Variants in CSNK1D observed in about 807,000 individuals in gnomAD.
CSNK1D encodes the protein casein kinase 1 delta.
In CSNK1D, 16 loss-of-function variants were observed where a neutral mutation model predicts 46.6. The observed-to-expected ratio is 0.34, with a 90% CI of 0.23 to 0.52. The LOEUF is 0.52. Among genes scored for constraint, CSNK1D ranks in the 20% least tolerant of loss-of-function variants. The pLI is 0.95. For missense variants in CSNK1D, 398 were observed against 578.4 expected (o/e 0.69, Z 3.20); for synonymous variants, 276 against 228.2 (o/e 1.21, Z -1.89).
intron 8 of CSNK1D, chr17:82,245,306 G>A (rs1226146655): frequency 6.9e-6 from 2 of 287,772 alleles, no homozygotes; most frequent in Non-Finnish European, 1.4e-5. Context: ...AGCGCGCGTG[G>A]CCGCCGAGGA....
chr17:82,265,696 C>T lies in CSNK1D; in HGVS notation c.177G>A (p.Met59Ile). 1 of 1,613,722 alleles carries T rather than the reference C, an allele frequency of 6.2e-7. No homozygotes were observed. Among genetic ancestry groups the T allele is most frequent in the Non-Finnish European group, 8.5e-7 (1 of 1,179,592 alleles). The change falls in exon 2 of 9, where the codon ATG (methionine) becomes ATA (isoleucine). Residue 59 changes from methionine to isoleucine, a missense_variant. By Grantham distance (10) the Met-to-Ile change is conservative. This residue lies in a region of CSNK1D where 217 missense variants were observed against 370.3 expected (regional missense o/e 0.59). Coordinates refer to ENST00000314028, the MANE Select transcript of CSNK1D (RefSeq NM_001893.6). Reference protein sequence around the residue: ...LHIESKIYKMMQGGVGIPTIR... With the variant: ...LHIESKIYKMIQGGVGIPTIR... ...CTGGTAAAGACCTACCTCCTCCCTG[C>T]ATCATCTTGTAGATTTTGCTCTCAA...
Position 82,252,309 on chromosome 17 carries a change from G to C in CSNK1D, c.736+125C>G. On this transcript the variant is annotated intron_variant, in intron 5 of 8. Coordinates refer to ENST00000314028, the MANE Select transcript of CSNK1D (RefSeq NM_001893.6). The surrounding 1 kb of genome is among the most constrained non-coding windows in gnomAD (Gnocchi z 4.6). ...ATACACAAAAGCGCCCCGCTTTCCT[G>C]CCACCACCCCTTTGGAAGGTGAGCA... The C allele has an allele frequency of 8.8e-7, 1 of 1,138,654 alleles. No individual in the cohort carries two copies. Among genetic ancestry groups the C allele is most frequent in the Non-Finnish European group, 1.3e-6 (1 of 751,456 alleles). 70.5% of individuals were successfully genotyped at this position (1,138,654 alleles called of 1,614,324 possible).
In CSNK1D at chr17:82,248,784, G is replaced by A; in HGVS notation, c.1197+91C>T. On this transcript the variant is annotated intron_variant, in intron 8 of 8. Coordinates refer to ENST00000314028, the MANE Select transcript of CSNK1D (RefSeq NM_001893.6). This position sits in a 1 kb window ranked among gnomAD's most constrained non-coding sequence, Gnocchi z 4.1. ...ACTCTCAAAAATGGGGGGAAGAAAG[G>A]AAAGAAGAAGCCCTGGAGAAACCAC... 6.5e-7 allele frequency: 1 copy of A among 1,538,408 alleles called. No individual in the cohort carries two copies. Among genetic ancestry groups the A allele is most frequent in the Non-Finnish European group, 8.7e-7 (1 of 1,143,764 alleles).
rs911578795 is a variant in CSNK1D at position 82,248,551 on chromosome 17, G to C, written c.1197+324C>G. ...CACAATGGGGCGCAAGCAGGCGAGCGGTGTCAGCTGCCTGGGGACGGCTGC... is the reference window on the plus strand; with the variant it reads ...CACAATGGGGCGCAAGCAGGCGAGCCGTGTCAGCTGCCTGGGGACGGCTGC... On this transcript the variant is annotated intron_variant, in intron 8 of 8. Coordinates refer to ENST00000314028, the MANE Select transcript of CSNK1D (RefSeq NM_001893.6). The surrounding 1 kb of genome is among the most constrained non-coding windows in gnomAD (Gnocchi z 4.1). 1 of 1,194,418 alleles carries C rather than the reference G, an allele frequency of 8.4e-7. No homozygotes were observed. Among genetic ancestry groups the C allele is most frequent in the Non-Finnish European group, 1.0e-6 (1 of 953,398 alleles). 74.0% of individuals were successfully genotyped at this position (1,194,418 alleles called of 1,614,324 possible).
intron 1 of CSNK1D, among the ~76,000 whole-genome samples, chr17:82,270,743 T>C (rs1343273732): frequency 6.6e-6 from 1 of 151,508 alleles, no homozygotes; most frequent in African/African-American, 2.4e-5. Context: ...GAGCCAATGC[T>C]GATGGGAAAA....
rs975692557 is a variant in CSNK1D at position 82,242,850 on chromosome 17, G to A, written c.*1931C>T. 1.4e-5 allele frequency: 14 copies of A among 985,152 alleles called. No individual in the cohort carries two copies. The highest frequency in any genetic ancestry group is 1.3e-5 in the Non-Finnish European group (11 of 829,798). 61.0% of individuals were successfully genotyped at this position (985,152 alleles called of 1,614,324 possible). A position where few individuals can be genotyped will look rare whatever the true frequency, so the allele number is the denominator to read the frequency against. ...GGGCAAGGACTGTCACAAGCACTCC[G>A]AAGACGCGACCCGGCGAGGCTCGGG... is the stretch of plus-strand genomic sequence containing the variant. On this transcript the variant is annotated 3_prime_UTR_variant, in exon 9 of 9. Transcript: ENST00000314028.
Position 82,255,708 on chromosome 17 carries a change from C to G in CSNK1D, c.188-131G>C. ...GGGAGGGGTGGTGGAGGTAGAAGACCCCGGCAACGCCGCTCCTCAGGGACC... is the reference window on the plus strand; with the variant it reads ...GGGAGGGGTGGTGGAGGTAGAAGACGCCGGCAACGCCGCTCCTCAGGGACC... On this transcript the variant is annotated intron_variant, in intron 2 of 8. Transcript: ENST00000314028. The surrounding 1 kb of genome is among the most constrained non-coding windows in gnomAD (Gnocchi z 5.9). 2.7e-6 allele frequency: 3 copies of G among 1,110,244 alleles called. No homozygotes were observed. The highest frequency in any genetic ancestry group is 2.5e-5 in the South Asian group (2 of 79,588). The allele number at this position is 1,110,244 out of a possible 1,614,324, so 68.8% of individuals were successfully genotyped here. A position where few individuals can be genotyped will look rare whatever the true frequency, so the allele number is the denominator to read the frequency against.
chr17:82,267,268 G>A (rs530896920), intron 1 of CSNK1D, among the ~76,000 whole-genome samples: 2 of 152,272 alleles, frequency 1.3e-5, no homozygotes, highest in East Asian at 3.9e-4. Context: ...TCTGACGTCT[G>A]TTTCATGAGA....
At position 82,273,145 on chromosome 17, in the gene CSNK1D, G is replaced by C. The variant is rs1292744570; in HGVS notation, c.76+161C>G. 1.9e-5 allele frequency: 8 copies of C among 427,252 alleles called. No individual in the cohort carries two copies. The highest frequency in any genetic ancestry group is 2.4e-5 in the Non-Finnish European group (6 of 255,028). The allele number at this position is 427,252 out of a possible 1,614,324, so 26.5% of individuals were successfully genotyped here. A position where few individuals can be genotyped will look rare whatever the true frequency, so the allele number is the denominator to read the frequency against. ...CCCACTGCCCTCCCCACCCCTGGCC[G>C]CGCTAGCCTAGTGGCCGTTGGGTTC... On this transcript the variant is annotated intron_variant, in intron 1 of 8. Coordinates refer to ENST00000314028, the MANE Select transcript of CSNK1D (RefSeq NM_001893.6). The surrounding 1 kb of genome is among the most constrained non-coding windows in gnomAD (Gnocchi z 5.1).
At chr17:82,239,892 G>A (rs1053392098), downstream of CSNK1D, 10 of 831,652 alleles carry the variant, frequency 1.2e-5, no homozygotes, top group Admixed American at 3.9e-4. Flanking sequence ...GCTTGGGCTT[G>A]TCCTGGACAC....
chr17:82,260,097 ATGACTGATGGTGTACTGACTGATG>A (rs2051288390), intron 2 of CSNK1D, among the ~76,000 whole-genome samples: 8 of 139,804 alleles, frequency 5.7e-5, no homozygotes, highest in East Asian at 2.2e-4. Flanking sequence ...ACTGACTGAT[ATGACTGATGGTGTACTGACTGATG>A]TGACTGATGG....
chr17:82,239,023 G>A (rs371026192), downstream of CSNK1D: 30 of 1,475,340 alleles, frequency 2.0e-5, no homozygotes, highest in African/African-American at 3.0e-4. Context: ...ACAGAAGCCG[G>A]CAACGCTTGC....
intron 8 of CSNK1D, chr17:82,247,889 C>T (rs1445473148): frequency 2.2e-5 from 22 of 985,334 alleles, no homozygotes; most frequent in East Asian, 2.3e-4. Flanking sequence ...GAATTAGAAA[C>T]GTGCAGTAAA....
intron 8 of CSNK1D, 168 bp from the exon 9 acceptor site, chr17:82,244,999 C>T (rs1208458030): frequency 1.1e-5 from 9 of 807,928 alleles, no homozygotes; most frequent in African/African-American, 8.5e-5. Context: ...GGCTGGGACA[C>T]GTGCTCAGCA....
intron 2 of CSNK1D, among the ~76,000 whole-genome samples, chr17:82,263,433 G>A (rs1035560382): frequency 2.6e-5 from 4 of 152,244 alleles, no homozygotes; most frequent in African/African-American, 9.6e-5. Context: ...AGCGGCCACA[G>A]GGGAAGCAAC....
At chr17:82,240,422 G>A (rs998720402), downstream of CSNK1D, among the ~76,000 whole-genome samples, 3 of 152,180 alleles carry the variant, frequency 2.0e-5, no homozygotes, top group African/African-American at 7.2e-5. Context: ...GGCCACCAGG[G>A]GACTGCTCAC....
Position 82,273,443 on chromosome 17 carries a change from G to A in CSNK1D, c.-62C>T. 2 of 1,590,936 alleles carry A rather than the reference G, an allele frequency of 1.3e-6. No homozygotes were observed. Among genetic ancestry groups the A allele is most frequent in the Admixed American group, 1.7e-5 (1 of 58,824 alleles). ...CGCTTCCTGGGTCTGAACTCTGGGA[G>A]GCGGCGCCGCTGCTGCCGCTACTGC... On this transcript the variant is annotated 5_prime_UTR_variant, in exon 1 of 9. Transcript: ENST00000314028. This position sits in a 1 kb window ranked among gnomAD's most constrained non-coding sequence, Gnocchi z 5.1.
rs765337328 is a variant in CSNK1D at position 82,273,428 on chromosome 17, G to C, written c.-47C>G. 4 of 1,605,048 alleles carry C rather than the reference G, an allele frequency of 2.5e-6. No individual in the cohort carries two copies. The highest frequency in any genetic ancestry group is 2.2e-5 in the East Asian group (1 of 44,508). ...TCCTGCCCTCCCGGCCGCTTCCTGG[G>C]TCTGAACTCTGGGAGGCGGCGCCGC... On this transcript the variant is annotated 5_prime_UTR_variant, in exon 1 of 9. Transcript: ENST00000314028. The surrounding 1 kb of genome is among the most constrained non-coding windows in gnomAD (Gnocchi z 5.1).
intron 3 of CSNK1D, 161 bp from the exon 4 acceptor site, chr17:82,253,405 T>G: frequency 2.9e-6 from 2 of 681,904 alleles, no homozygotes; most frequent in Non-Finnish European, 2.7e-6. Context: ...GACCAAATTG[T>G]TCCCCCAGGT....
Sources: gnomAD v4.1 joint callset for allele counts (sites outside exome capture counted in the v4.1 genomes callset) on GRCh38, gnomAD v4.1.1 for gene constraint, gnomAD v4.1.1 regional missense constraint, Gnocchi (gnomAD v3.1) non-coding constraint, MANE v1.5 for transcripts, NCBI Gene and HGNC (gene_info 2026-07-23, HGNC 2026-07-21) for gene names.